MDGA2: variants seen among roughly 807,000 people sequenced by gnomAD.
MDGA2 encodes the protein MAM domain containing glycosylphosphatidylinositol anchor 2, also known as MAM domain-containing glycosylphosphatidylinositol anchor protein 2.
MDGA2 carries 40 observed loss-of-function variants against 117.8 expected under a neutral mutation model. The observed-to-expected ratio is 0.34, with a 90% CI of 0.26 to 0.44. The LOEUF (loss-of-function observed/expected upper bound fraction) is 0.44, where lower values mean the gene tolerates loss of function less well. MDGA2 is among the 20% of genes least tolerant of loss of function. The pLI is 1.00. For missense variants in MDGA2, 1,123 were observed against 1,250.6 expected (o/e 0.90, Z 1.54); for synonymous variants, 452 against 439.0 (o/e 1.03, Z -0.37).
At chr14:47,261,793 C>T (rs891793201) in intron 2 of MDGA2, among the ~76,000 whole-genome samples, 2 of 152,086 alleles carry the variant, frequency 1.3e-5, no homozygotes, top group East Asian at 1.9e-4. Flanking sequence ...GTCTTATGAG[C>T]CCACCTGTGT....
At chr14:47,660,026 T>G (rs2138289049) in intron 1 of MDGA2, among the ~76,000 whole-genome samples, 1 of 152,184 alleles carries the variant, frequency 6.6e-6, no homozygotes, top group Non-Finnish European at 1.5e-5. Flanking sequence ...ATTCACAAAA[T>G]CAGTGCTTCT....
At chr14:46,990,054 T>A (rs752529213) in intron 8 of MDGA2, among the ~76,000 whole-genome samples, 1 of 152,144 alleles carries the variant, frequency 6.6e-6, no homozygotes, top group Non-Finnish European at 1.5e-5. Context: ...TCCTAAGAGT[T>A]CATAGGTTCA....
chr14:46,864,723 T>C (rs1471985393), intron 14 of MDGA2, among the ~76,000 whole-genome samples: 8 of 151,482 alleles, frequency 5.3e-5, no homozygotes, highest in Admixed American at 4.6e-4. Context: ...ACTGAGAGCA[T>C]AGACTAATTC....
chr14:46,993,418 T>C (rs533269265), intron 8 of MDGA2, among the ~76,000 whole-genome samples: 8 of 152,088 alleles, frequency 5.3e-5, no homozygotes, highest in South Asian at 2.1e-4. Context: ...ATAATACTTA[T>C]TATACATTTT....
intron 1 of MDGA2, among the ~76,000 whole-genome samples, chr14:47,435,976 C>T (rs1892889070): frequency 6.6e-6 from 1 of 151,968 alleles, no homozygotes; most frequent in Non-Finnish European, 1.5e-5. Flanking sequence ...GGCTCTTTTC[C>T]TTTTTTTGTC....
intron 3 of MDGA2, among the ~76,000 whole-genome samples, chr14:47,150,127 C>A (rs1566651962): frequency 6.6e-6 from 1 of 152,058 alleles, no homozygotes. Context: ...GAAATGACTG[C>A]CTCTAATTAG....
chr14:47,265,956 A>G (rs1887952269), intron 2 of MDGA2, among the ~76,000 whole-genome samples: 1 of 152,140 alleles, frequency 6.6e-6, no homozygotes, highest in Non-Finnish European at 1.5e-5. Context: ...AATCTTTACT[A>G]CTATTATTAC....
At chr14:47,555,430 C>T (rs1895664549) in intron 1 of MDGA2, among the ~76,000 whole-genome samples, 1 of 152,086 alleles carries the variant, frequency 6.6e-6, no homozygotes, top group South Asian at 2.1e-4. Flanking sequence ...GGGAAAGACA[C>T]AGCATTTTAT....
intron 7 of MDGA2, among the ~76,000 whole-genome samples, chr14:47,054,104 C>T (rs61992839): frequency 0.2 from 30,148 of 151,764 alleles, 3,053 homozygotes; most frequent in Admixed American, 0.29. Context: ...GAGTACTACC[C>T]AGCACCTTAT....
chr14:47,566,149 G>T (rs936482729), intron 1 of MDGA2, among the ~76,000 whole-genome samples: 2 of 152,220 alleles, frequency 1.3e-5, no homozygotes, highest in Non-Finnish European at 2.9e-5. Context: ...TGCCAGTGAA[G>T]TAACACGGGC....
chr14:47,535,545 G>C (rs959444735), intron 1 of MDGA2, among the ~76,000 whole-genome samples: 1 of 152,222 alleles, frequency 6.6e-6, no homozygotes, highest in Admixed American at 6.5e-5. Context: ...AGTCAGCTCT[G>C]TGTTAGAAAG....
intron 1 of MDGA2, among the ~76,000 whole-genome samples, chr14:47,630,271 A>T (rs992548461): frequency 3.3e-5 from 5 of 152,194 alleles, no homozygotes; most frequent in African/African-American, 1.2e-4. Flanking sequence ...TTTTATAAGT[A>T]TCGGTTACAT....
chr14:47,018,455 C>T (rs776830487), intron 8 of MDGA2, among the ~76,000 whole-genome samples: 45 of 151,994 alleles, frequency 3.0e-4, no homozygotes, highest in Admixed American at 6.6e-5. Context: ...TACTTCCCCT[C>T]CTCTTAGCTT....
At chr14:47,400,758 C>CTTTTT (rs570103742) in intron 1 of MDGA2, among the ~76,000 whole-genome samples, 11 of 66,200 alleles carry the variant, frequency 1.7e-4, no homozygotes, top group East Asian at 8.5e-4. Context: ...CTTTTCTTTT[C>CTTTTT]TTTTTTTTTT....
At chr14:47,242,700 G>A (rs1887093100) in intron 2 of MDGA2, among the ~76,000 whole-genome samples, 1 of 151,964 alleles carries the variant, frequency 6.6e-6, no homozygotes, top group East Asian at 1.9e-4. Flanking sequence ...CTCGGGACCT[G>A]CAGCCCGCCA....
chr14:47,540,070 T>C (rs1895308197), intron 1 of MDGA2, among the ~76,000 whole-genome samples: 2 of 152,152 alleles, frequency 1.3e-5, no homozygotes. Context: ...TGGAGTGCGG[T>C]GGCACGATCT....
chr14:47,027,035 TG>T (rs1888499233), intron 8 of MDGA2, among the ~76,000 whole-genome samples: 1 of 151,914 alleles, frequency 6.6e-6, no homozygotes, highest in Non-Finnish European at 1.5e-5. Flanking sequence ...TAGCCCAGCA[TG>T]GTGGCTCACA....
At chr14:47,640,557 A>AC (rs1410355976) in intron 1 of MDGA2, among the ~76,000 whole-genome samples, 4 of 152,096 alleles carry the variant, frequency 2.6e-5, no homozygotes, top group Non-Finnish European at 5.9e-5. Context: ...TATAAATCAA[A>AC]TTTTTAGCAT....
intron 3 of MDGA2, among the ~76,000 whole-genome samples, chr14:47,186,461 C>T (rs980358819): frequency 2.6e-5 from 4 of 151,750 alleles, no homozygotes; most frequent in Non-Finnish European, 5.9e-5. Flanking sequence ...CACAAATGCA[C>T]ACATAACATG....
Sources: gnomAD v4.1 joint callset for allele counts (sites outside exome capture counted in the v4.1 genomes callset) on GRCh38, gnomAD v4.1.1 for gene constraint, MANE v1.5 for transcripts, NCBI Gene and HGNC (gene_info 2026-07-23, HGNC 2026-07-21) for gene names.